The following NR2F6 variants were observed in gnomAD, a reference collection of about 807,000 sequenced individuals.
The protein encoded by NR2F6 is nuclear receptor subfamily 2 group F member 6.
Under a neutral mutation model 26.5 loss-of-function variants are expected in NR2F6, and 16 were observed. The ratio of observed to expected loss-of-function variants is 0.60; its 90% CI spans 0.41 to 0.92. The LOEUF (loss-of-function observed/expected upper bound fraction) is 0.92, where lower values mean the gene tolerates loss of function less well. Ranked by LOEUF, NR2F6 falls within the 40% of genes least tolerant of loss-of-function variation. The pLI, the probability that NR2F6 is intolerant of heterozygous loss-of-function variation, is 0.00. For missense variants in NR2F6, 536 were observed against 631.7 expected, an observed-to-expected ratio of 0.85 and a Z score of 1.62; for synonymous variants, 325 against 305.0, an observed-to-expected ratio of 1.07 and a Z score of -0.68.
chr19:17,240,802 C>T, intron 1 of NR2F6, 37 bp from the exon 2 acceptor site: 1 of 1,600,912 alleles, frequency 6.2e-7, no homozygotes, highest in African/African-American at 1.3e-5. Context: ...CCTGAGACCC[C>T]CATATCCTCC....
Position 17,235,625 on chromosome 19 carries a change from CGGCCATAGGCGCGGCGTGGA to C in NR2F6, c.794_813del (p.Leu265ArgfsTer54). 1 of 1,546,280 alleles carries C rather than the reference CGGCCATAGGCGCGGCGTGGA, an allele frequency of 6.5e-7. No individual in the cohort carries two copies. The highest frequency in any genetic ancestry group is 8.7e-7 in the Non-Finnish European group (1 of 1,154,824). ...TCCATGAAAGCCACGGCGCGCTCGG[CGGCCATAGGCGCGGCGTGGA>C]GGCCGGCGGCGGCCAGTAGCGGCGC... On this transcript the variant is annotated frameshift_variant, in exon 3 of 4. Coordinates refer to ENST00000291442, the MANE Select transcript of NR2F6 (RefSeq NM_005234.4). LOFTEE classifies it high-confidence loss of function. The surrounding 1 kb of genome is among the most constrained non-coding windows in gnomAD (Gnocchi z 5.0).
intron 2 of NR2F6, 51 bp downstream of exon 2, chr19:17,240,620 C>G (rs2073463986): frequency 6.3e-7 from 1 of 1,582,404 alleles, no homozygotes; most frequent in African/African-American, 1.3e-5. Context: ...TTTGTTCACC[C>G]CGGCTCCAGC....
In NR2F6 at chr19:17,232,427, C is replaced by T. The variant is rs752642391; in HGVS notation, c.1140G>A (p.Thr380=). The T allele has an allele frequency of 7.4e-6, 12 of 1,614,012 alleles. 1 individual carries two copies. The highest frequency in any genetic ancestry group is 3.3e-4 in the Middle Eastern group (2 of 6,084). ...TGTCTCTGATCAGTGTCTCAATGGG[C>T]GTCTTCCCCACCAGGCGCATGAAGA... ...QLFFMRLVGK[T]PIETLIRDML... is the part of the protein sequence containing the mutation. The change falls in exon 4 of 4, where the codon ACG becomes ACA. Residue 380 remains threonine (T), a synonymous_variant. Coordinates refer to ENST00000291442, the MANE Select transcript of NR2F6 (RefSeq NM_005234.4).
chr19:17,237,697 C>A (rs1482227391), intron 2 of NR2F6, among the ~76,000 whole-genome samples: 8 of 151,990 alleles, frequency 5.3e-5, no homozygotes, highest in African/African-American at 1.5e-4. Context: ...GGCGTGAGCC[C>A]CCACGCCTGG....
In NR2F6 at chr19:17,245,708, C is replaced by G. The variant is rs1412536760; in HGVS notation, c.-488G>C. The G allele has an allele frequency of 2.1e-5, 3 of 144,998 alleles. No homozygotes were observed. The highest frequency in any genetic ancestry group is 4.9e-5 in the African/African-American group (2 of 40,476). 9.0% of individuals were successfully genotyped at this position (144,998 alleles called of 1,614,324 possible). A position where few individuals can be genotyped will look rare whatever the true frequency, so the allele number is the denominator to read the frequency against. The stretch of plus-strand genomic sequence containing the variant: ...GGCGGGGGGGGAGGGGCGGCGGGTG[C>G]GCGCCGGGGCTGATCGCCGCGCCCC... On this transcript the variant is annotated 5_prime_UTR_variant, in exon 1 of 4. Coordinates refer to ENST00000291442, the MANE Select transcript of NR2F6 (RefSeq NM_005234.4). The surrounding 1 kb of genome is among the most constrained non-coding windows in gnomAD (Gnocchi z 5.0).
Position 17,245,142 on chromosome 19 carries a change from C to A in NR2F6, c.79G>T (p.Ala27Ser). 1 of 1,437,292 alleles carries A rather than the reference C, an allele frequency of 7.0e-7. No homozygotes were observed. 89.0% of individuals were successfully genotyped at this position (1,437,292 alleles called of 1,614,324 possible). The change falls in exon 1 of 4, where the codon GCG becomes TCG. Residue 27 changes from alanine (A) to serine (S), a missense_variant. Coordinates refer to ENST00000291442, the MANE Select transcript of NR2F6 (RefSeq NM_005234.4). This position sits in a 1 kb window ranked among gnomAD's most constrained non-coding sequence, Gnocchi z 5.0. Reference protein sequence around the residue: ...GVDKAGGYPRAAEDDSASPPG... With the variant: ...GVDKAGGYPRSAEDDSASPPG... ...GGCGAGGCCGAGTCGTCCTCGGCCG[C>A]GCGCGGGTAGCCGCCCGCCTTGTCC... is the stretch of plus-strand genomic sequence containing the variant.
Position 17,232,074 on chromosome 19 carries a change from A to T in NR2F6, c.*278T>A, listed in dbSNP as rs540611907. The T allele has an allele frequency of 2.3e-6, 1 of 430,934 alleles. No individual in the cohort carries two copies. The highest frequency in any genetic ancestry group is 4.1e-6 in the Non-Finnish European group (1 of 241,192). 26.7% of individuals were successfully genotyped at this position (430,934 alleles called of 1,614,324 possible). On this transcript the variant is annotated 3_prime_UTR_variant, in exon 4 of 4. Transcript: ENST00000291442. ...CCCCACCATCCCACAAGTTCATGCTAGGGGTGCTGAGGAACAAGGCTGTCC... is the reference window on the plus strand; with the variant it reads ...CCCCACCATCCCACAAGTTCATGCTTGGGGTGCTGAGGAACAAGGCTGTCC...
chr19:17,239,281 G>T lies in NR2F6; in HGVS notation c.373+1390C>A, dbSNP rs374179012. On this transcript the variant is annotated intron_variant, in intron 2 of 3. Transcript: ENST00000291442. ...GAACCAGGGAGTCAGAGGTTGCAGT[G>T]AGCCGAGATGGCACCACAGCACTCC... 5.3e-5 allele frequency among the ~76,000 whole-genome samples: 8 copies of T among 152,116 alleles called. No individual in the cohort carries two copies. In the East Asian group the frequency reaches 1.2e-3, roughly 22 times the overall value.
At position 17,245,224 on chromosome 19, in the gene NR2F6, C is replaced by T; in HGVS notation, c.-4G>A. ...AGCCGCCGGTCACCATGGCCATAGCCCCAGGGCAGCGGGGCCGGGGCGCCC... is the reference window on the plus strand; with the variant it reads ...AGCCGCCGGTCACCATGGCCATAGCTCCAGGGCAGCGGGGCCGGGGCGCCC... On this transcript the variant is annotated 5_prime_UTR_variant, in exon 1 of 4. Coordinates refer to ENST00000291442, the MANE Select transcript of NR2F6 (RefSeq NM_005234.4). This position sits in a 1 kb window ranked among gnomAD's most constrained non-coding sequence, Gnocchi z 5.0. 1 of 1,298,608 alleles carries T rather than the reference C, an allele frequency of 7.7e-7. No individual in the cohort carries two copies. The highest frequency in any genetic ancestry group is 9.8e-7 in the Non-Finnish European group (1 of 1,025,540). 80.4% of individuals were successfully genotyped at this position (1,298,608 alleles called of 1,614,324 possible). A position where few individuals can be genotyped will look rare whatever the true frequency, so the allele number is the denominator to read the frequency against.
At chr19:17,240,046 C>G (rs987678564) in intron 2 of NR2F6, among the ~76,000 whole-genome samples, 9 of 152,106 alleles carry the variant, frequency 5.9e-5, no homozygotes, top group African/African-American at 1.7e-4. Flanking sequence ...GGGGGTTTGG[C>G]AGAGTTCTAG....
At chr19:17,244,386 A>T (rs1413411402) in intron 1 of NR2F6, 3 of 54,372 alleles carry the variant, frequency 5.5e-5, no homozygotes. Context: ...TGGGCCCCTC[A>T]TGCGAAGAAG....
intron 2 of NR2F6, among the ~76,000 whole-genome samples, chr19:17,238,316 T>C (rs986978960): frequency 1.3e-5 from 2 of 152,124 alleles, no homozygotes; most frequent in Non-Finnish European, 2.9e-5. Context: ...CCACAGGGAA[T>C]GGACATTCTG....
intron 2 of NR2F6, among the ~76,000 whole-genome samples, chr19:17,239,842 G>T (rs60573653): frequency 0.026 from 3,888 of 151,744 alleles, 138 homozygotes; most frequent in African/African-American, 0.081. Flanking sequence ...AATAAATAAA[G>T]AAAATAAGGA....
intron 2 of NR2F6, 109 bp downstream of exon 2, chr19:17,240,562 G>A: frequency 9.5e-7 from 1 of 1,052,464 alleles, no homozygotes; most frequent in Admixed American, 2.0e-5. Context: ...CCAGACCCCT[G>A]TGAAAGGGAG....
In NR2F6 at chr19:17,235,400, G is replaced by A. The variant is rs1325118417; in HGVS notation, c.940+99C>T. On this transcript the variant is annotated intron_variant, in intron 3 of 3. Transcript: ENST00000291442. This position sits in a 1 kb window ranked among gnomAD's most constrained non-coding sequence, Gnocchi z 5.0. ...GCAGGGCCCCAGGCCTAGGGAGCGA[G>A]CGGGGCGCTATGGGGGCCGGAGTCT... 6 of 1,498,188 alleles carry A rather than the reference G, an allele frequency of 4.0e-6. No homozygotes were observed. In the African/African-American group the frequency reaches 7.1e-5, roughly 18 times the overall value. The allele number at this position is 1,498,188 out of a possible 1,614,324, so 92.8% of individuals were successfully genotyped here.
intron 2 of NR2F6, 75 bp from the exon 3 acceptor site, chr19:17,236,140 C>T (rs1599454082): frequency 4.5e-4 from 2 of 4,442 alleles, no homozygotes; most frequent in East Asian, 6.9e-3. Context: ...CAGCAGGAAA[C>T]GGGGGAGGGA....
rs1479224279 is a variant in NR2F6, at chr19:17,235,778, G to A, written c.661C>T (p.Pro221Ser). ...FSTVEWARHA[P>S]FFPELPVADQ... ...GCCACCGGCAGCTCGGGGAAGAAGG[G>A]CGCGTGGCGCGCCCACTCCACGGTG... Residue 221 changes from proline (P) to serine (S), a missense_variant, in exon 3 of 4, where the codon CCC (proline) becomes TCC (serine). Pro to Ser is a moderately conservative substitution (Grantham distance 74). Coordinates refer to ENST00000291442, the MANE Select transcript of NR2F6 (RefSeq NM_005234.4). The surrounding 1 kb of genome is among the most constrained non-coding windows in gnomAD (Gnocchi z 5.0). The A allele has an allele frequency of 6.7e-7, 1 of 1,496,902 alleles. No individual in the cohort carries two copies. Among genetic ancestry groups the A allele is most frequent in the Non-Finnish European group, 8.8e-7 (1 of 1,131,836 alleles). 92.7% of individuals were successfully genotyped at this position (1,496,902 alleles called of 1,614,324 possible). A position where few individuals can be genotyped will look rare whatever the true frequency, so the allele number is the denominator to read the frequency against.
At position 17,235,872 on chromosome 19, in the gene NR2F6, C is replaced by G; in HGVS notation, c.567G>C (p.Gly189=). The stretch of plus-strand genomic sequence containing the variant: ...CCAGCACCGCGCCCGCCGCGCCGCC[C>G]CCTGCGCCGAAGCGTCCGGCCGCCG... The part of the protein sequence containing the change: ...YPAAAGRFGA[G]GGAAGAVLGI... The change falls in exon 3 of 4, where the codon GGG becomes GGC. Residue 189 remains glycine (G), a synonymous_variant. Transcript: ENST00000291442. The surrounding 1 kb of genome is among the most constrained non-coding windows in gnomAD (Gnocchi z 5.0). 1 of 1,465,336 alleles carries G rather than the reference C, an allele frequency of 6.8e-7. No homozygotes were observed. Among genetic ancestry groups the G allele is most frequent in the Non-Finnish European group, 9.0e-7 (1 of 1,117,114 alleles). The allele number at this position is 1,465,336 out of a possible 1,614,324, so 90.8% of individuals were successfully genotyped here.
At chr19:17,240,074 ACG>A (rs1264049620) in intron 2 of NR2F6, among the ~76,000 whole-genome samples, 1 of 152,096 alleles carries the variant, frequency 6.6e-6, no homozygotes, top group Non-Finnish European at 1.5e-5. Context: ...AGCCCAGAAT[ACG>A]CCCGTCCACC....
Sources: allele counts gnomAD v4.1 joint callset (sites outside exome capture counted in the v4.1 genomes callset), GRCh38; gene constraint gnomAD v4.1.1; non-coding constraint Gnocchi (gnomAD v3.1); transcripts MANE v1.5; gene names NCBI Gene and HGNC (gene_info 2026-07-23, HGNC 2026-07-21).